Variants in HSPA12B observed in about 807,000 individuals in gnomAD.
The protein encoded by HSPA12B is heat shock protein family A (Hsp70) member 12B.
A neutral mutation model predicts 69.3 loss-of-function variants in HSPA12B; 54 were observed. That is an observed-to-expected ratio of 0.78 (90% CI 0.63 to 0.98). HSPA12B has a LOEUF of 0.98. Among genes scored for constraint, HSPA12B ranks in the 50% least tolerant of loss-of-function variants. HSPA12B has a pLI of 0.00. For missense variants in HSPA12B, 929 were observed against 999.8 expected, an observed-to-expected ratio of 0.93 and a Z score of 0.96; for synonymous variants, 441 against 436.5, an observed-to-expected ratio of 1.01 and a Z score of -0.13.
In HSPA12B at chr20:3,749,286, G is replaced by C; in HGVS notation, c.905G>C (p.Gly302Ala). Residue 302 changes from glycine to alanine, a missense_variant, in exon 9 of 13, where the codon GGC becomes GCC. Gly to Ala is a moderately conservative substitution (Grantham distance 60). Coordinates refer to ENST00000254963, the MANE Select transcript of HSPA12B (RefSeq NM_052970.5). The surrounding 1 kb of genome is among the most constrained non-coding windows in gnomAD (Gnocchi z 5.5). ...AGCCGCACGTTCCTGGTGGAGTCAG[G>C]CGTAGGAGAGCTGTGGGCAGAGATG... ...RHSRTFLVESGVGELWAEMQA... is the reference protein window; with the variant it reads ...RHSRTFLVESAVGELWAEMQA... 2 of 1,613,788 alleles carry C rather than the reference G, an allele frequency of 1.2e-6. No homozygotes were observed. The highest frequency in any genetic ancestry group is 1.7e-6 in the Non-Finnish European group (2 of 1,179,918).
rs2088255339 is a variant in HSPA12B, at chr20:3,744,125, C to A, written c.267-777C>A. Among the ~76,000 whole-genome samples the A allele has an allele frequency of 6.6e-6, 1 of 152,154 alleles. No homozygotes were observed. Among genetic ancestry groups the A allele is most frequent in the South Asian group, 2.1e-4 (1 of 4,832 alleles). ...GAGACCTCAAAGCTCTCAACCCAGACTGGGATGGGAGGTAAGAGGGGCTTC... is the reference window on the plus strand; with the variant it reads ...GAGACCTCAAAGCTCTCAACCCAGAATGGGATGGGAGGTAAGAGGGGCTTC... On this transcript the variant is annotated intron_variant, in intron 4 of 12. Coordinates refer to ENST00000254963, the MANE Select transcript of HSPA12B (RefSeq NM_052970.5). The surrounding 1 kb of genome is among the most constrained non-coding windows in gnomAD (Gnocchi z 4.9).
intron 3 of HSPA12B, among the ~76,000 whole-genome samples, chr20:3,741,291 G>C (rs1167243834): frequency 6.8e-6 from 1 of 146,878 alleles, no homozygotes; most frequent in Admixed American, 7.0e-5. Context: ...AGTCATATCT[G>C]AAGGAGAGGA....
intron 3 of HSPA12B, among the ~76,000 whole-genome samples, chr20:3,741,170 C>T (rs1422220661): frequency 1.3e-5 from 2 of 152,138 alleles, no homozygotes; most frequent in Non-Finnish European, 2.9e-5. Flanking sequence ...ACAGGAGGCA[C>T]CCACGGCCAT....
In HSPA12B at chr20:3,752,036, C is replaced by T; in HGVS notation, c.1931C>T (p.Ala644Val). ...CCCGCCGACTGCGGCCAGGACACCGCCGGCGCGCCTCCCGGCCGCCGCGAG... is the reference window on the plus strand; with the variant it reads ...CCCGCCGACTGCGGCCAGGACACCGTCGGCGCGCCTCCCGGCCGCCGCGAG... ...LEPADCGQDT[A>V]GAPPGRREIR... Residue 644 changes from alanine (A) to valine (V), a missense_variant, in exon 13 of 13, where the codon GCC (alanine) becomes GTC (valine). Transcript: ENST00000254963. 5.8e-6 allele frequency: 9 copies of T among 1,553,250 alleles called. No homozygotes were observed. Among genetic ancestry groups the T allele is most frequent in the Non-Finnish European group, 6.9e-6 (8 of 1,155,546 alleles).
chr20:3,749,381 G>C lies in HSPA12B; in HGVS notation c.937+63G>C. ...CTACCGGGCACCATATACTGATGGG[G>C]GGAAGGGCATGTTTGCAAAGCCCGT... is the stretch of plus-strand genomic sequence containing the variant. On this transcript the variant is annotated intron_variant, in intron 9 of 12. Transcript: ENST00000254963. This position sits in a 1 kb window ranked among gnomAD's most constrained non-coding sequence, Gnocchi z 5.5. 2.1e-6 allele frequency: 3 copies of C among 1,422,962 alleles called. No individual in the cohort carries two copies. Among genetic ancestry groups the C allele is most frequent in the Non-Finnish European group, 2.9e-6 (3 of 1,021,302 alleles). The allele number at this position is 1,422,962 out of a possible 1,614,324, so 88.1% of individuals were successfully genotyped here. A position where few individuals can be genotyped will look rare whatever the true frequency, so the allele number is the denominator to read the frequency against.
rs892905517 is a variant in HSPA12B at position 3,750,856 on chromosome 20, G to T, written c.1354G>T (p.Ala452Ser). The T allele has an allele frequency of 6.2e-7, 1 of 1,614,010 alleles. No homozygotes were observed. Among genetic ancestry groups the T allele is most frequent in the Admixed American group, 1.7e-5 (1 of 60,028 alleles). The stretch of plus-strand genomic sequence containing the variant: ...GGGGATGCTCCGAATGTCTTGTGAA[G>T]CCATGAACGAGCTCTTTCAGCCCAC... ...SQGMLRMSCEAMNELFQPTVS... is the reference protein window; with the variant it reads ...SQGMLRMSCESMNELFQPTVS... Residue 452 changes from alanine (A) to serine (S), a missense_variant, in exon 12 of 13, where the codon GCC becomes TCC. Transcript: ENST00000254963.
At chr20:3,743,184 C>CTTTTTTTT (rs61614564) in intron 4 of HSPA12B, among the ~76,000 whole-genome samples, 2 of 139,340 alleles carry the variant, frequency 1.4e-5, no homozygotes, top group Admixed American at 7.3e-5. Flanking sequence ...CCAACCTGGC[C>CTTTTTTTT]TTTTTTTTTT....
In HSPA12B at chr20:3,749,883, C is replaced by T; in HGVS notation, c.1042+29C>T. ...AGTAGCCAGGCGGCGCCCCGGTACC[C>T]AGCGCGACCCGGGCTCCGGCCCCGC... On this transcript the variant is annotated intron_variant, in intron 10 of 12. Transcript: ENST00000254963. The surrounding 1 kb of genome is among the most constrained non-coding windows in gnomAD (Gnocchi z 5.5). 1.3e-6 allele frequency: 2 copies of T among 1,557,078 alleles called. No homozygotes were observed. Among genetic ancestry groups the T allele is most frequent in the Non-Finnish European group, 1.7e-6 (2 of 1,149,912 alleles).
chr20:3,751,490 T>TC (rs1222086803), intron 12 of HSPA12B, 21 bp from the exon 13 acceptor site: 8 of 1,381,104 alleles, frequency 5.8e-6, no homozygotes, highest in South Asian at 1.7e-5. Context: ...TTCACCCGCG[T>TC]CCCCCCGTCC....
In HSPA12B at chr20:3,749,211, C is replaced by T. The variant is rs376719767; in HGVS notation, c.851-21C>T. 6.2e-7 allele frequency: 1 copy of T among 1,606,444 alleles called. No individual in the cohort carries two copies. The highest frequency in any genetic ancestry group is 1.3e-5 in the African/African-American group (1 of 74,710). On this transcript the variant is annotated intron_variant, in intron 8 of 12. Coordinates refer to ENST00000254963, the MANE Select transcript of HSPA12B (RefSeq NM_052970.5). The surrounding 1 kb of genome is among the most constrained non-coding windows in gnomAD (Gnocchi z 5.5). ...GAGCACCTCCTTCTAATCTCACTCC[C>T]TGCTGTCTCCTGACCCCCAGCTCGG...
At chr20:3,735,632 A>AT (rs2088097884) in intron 1 of HSPA12B, among the ~76,000 whole-genome samples, 1 of 151,914 alleles carries the variant, frequency 6.6e-6, no homozygotes. Context: ...CGCTTGGCTA[A>AT]TTTTTGTATT....
Position 3,751,842 on chromosome 20 carries a change from C to T in HSPA12B, c.1737C>T (p.Ala579=). 1 of 1,540,864 alleles carries T rather than the reference C, an allele frequency of 6.5e-7. No individual in the cohort carries two copies. Among genetic ancestry groups the T allele is most frequent in the Non-Finnish European group, 8.7e-7 (1 of 1,149,722 alleles). The change falls in exon 13 of 13, where the codon GCC becomes GCT. Residue 579 remains alanine (A), a synonymous_variant. Transcript: ENST00000254963. ...CCGACGTCTTCGAGCGCTTCGTGGC[C>T]GCCGAGCAGTCGGTGGCCCTGGGCG... ...WCTDVFERFV[A]AEQSVALGEE...
chr20:3,748,532 T>C (rs1056155027), intron 8 of HSPA12B, 141 bp downstream of exon 8: 1 of 842,260 alleles, frequency 1.2e-6, no homozygotes, highest in Non-Finnish European at 1.7e-6. Context: ...ACATGGCTGG[T>C]GGAGCCTGTC....
rs2088455313 is a variant in HSPA12B at position 3,752,994 on chromosome 20, C to T, written c.*828C>T. On this transcript the variant is annotated 3_prime_UTR_variant, in exon 13 of 13. Transcript: ENST00000254963. ...GCCTTTAGGACATTCTCTTACCGCT[C>T]ATGGGCCTCAGTTTCCTAAAGTGTG... is the stretch of plus-strand genomic sequence containing the variant. 6.5e-6 allele frequency: 1 copy of T among 153,404 alleles called. No homozygotes were observed. The highest frequency in any genetic ancestry group is 1.5e-5 in the Non-Finnish European group (1 of 68,042). 9.5% of individuals were successfully genotyped at this position (153,404 alleles called of 1,614,324 possible). A position where few individuals can be genotyped will look rare whatever the true frequency, so the allele number is the denominator to read the frequency against.
At chr20:3,746,670 C>A (rs2088313166) in intron 7 of HSPA12B, among the ~76,000 whole-genome samples, 1 of 152,060 alleles carries the variant, frequency 6.6e-6, no homozygotes, top group Admixed American at 6.6e-5. Flanking sequence ...GGGAGGGAGG[C>A]GGGACAGGAG....
chr20:3,738,666 C>T lies in HSPA12B; in HGVS notation c.-9C>T. 2 of 1,614,070 alleles carry T rather than the reference C, an allele frequency of 1.2e-6. No homozygotes were observed. The highest frequency in any genetic ancestry group is 2.2e-5 in the South Asian group (2 of 91,080). On this transcript the variant is annotated 5_prime_UTR_variant, in exon 2 of 13. Transcript: ENST00000254963. ...TCTGTTCCTGTTGACAGCTACAGGG[C>T]CTGCAAGGATGTTGGCTGTCCCGGA...
rs746462075 is a variant in HSPA12B at position 3,751,496 on chromosome 20, C to A, written c.1406-15C>A. ...TCTGCCCCCTTCACCCGCGTCCCCCCGTCCTGTCCCGCAGAGGCCCTGCTG... is the reference window on the plus strand; with the variant it reads ...TCTGCCCCCTTCACCCGCGTCCCCCAGTCCTGTCCCGCAGAGGCCCTGCTG... On this transcript the variant is annotated splice_polypyrimidine_tract_variant and intron_variant, in intron 12 of 12. Coordinates refer to ENST00000254963, the MANE Select transcript of HSPA12B (RefSeq NM_052970.5). 5 of 1,397,030 alleles carry A rather than the reference C, an allele frequency of 3.6e-6. No individual in the cohort carries two copies. The African/African-American group carries it at 6.0e-5, about 17-fold the overall frequency. 86.5% of individuals were successfully genotyped at this position (1,397,030 alleles called of 1,614,324 possible).
At chr20:3,742,177 C>T (rs944811212) in intron 3 of HSPA12B, 107 bp from the exon 4 acceptor site, 3 of 1,513,984 alleles carry the variant, frequency 2.0e-6, no homozygotes, top group African/African-American at 1.4e-5. Flanking sequence ...GTCTGGACCA[C>T]AGTCAGTGGA....
At chr20:3,743,935 T>C (rs944787452) in intron 4 of HSPA12B, among the ~76,000 whole-genome samples, 3 of 151,200 alleles carry the variant, frequency 2.0e-5, no homozygotes, top group Admixed American at 6.6e-5. Flanking sequence ...AAAATGAAGG[T>C]TCTAAGGGCT....
Sources: gnomAD v4.1 joint callset for allele counts (sites outside exome capture counted in the v4.1 genomes callset) on GRCh38, gnomAD v4.1.1 for gene constraint, Gnocchi (gnomAD v3.1) non-coding constraint, MANE v1.5 for transcripts, NCBI Gene and HGNC (gene_info 2026-07-23, HGNC 2026-07-21) for gene names.